The following SGCD variants were observed in gnomAD, a reference collection of about 807,000 sequenced individuals.
SGCD encodes the protein delta-sarcoglycan.
SGCD carries 18 observed loss-of-function variants against 36.6 expected under a neutral mutation model. The observed-to-expected ratio is 0.49, with a 90% confidence interval of 0.34 to 0.73. The LOEUF (loss-of-function observed/expected upper bound fraction) is 0.73. SGCD is among the 30% of genes least tolerant of loss of function. The probability of loss-of-function intolerance (pLI) is 0.01; values close to 1 mark genes in which losing one functional copy is unlikely to be tolerated. For synonymous variants in SGCD, 133 were observed against 130.6 expected (o/e 1.02, Z -0.12); for missense variants, 387 against 346.7 (o/e 1.12, Z -0.92).
At chr5:155,867,759 A>T (rs563054241), upstream of SGCD, among the ~76,000 whole-genome samples, 1 of 152,320 alleles carries the variant, frequency 6.6e-6, no homozygotes, top group Admixed American at 6.5e-5. Flanking sequence ...ACTTAGTGAG[A>T]TGTTATTCTC....
intron 7 of SGCD, among the ~76,000 whole-genome samples, chr5:156,728,334 A>C (rs890978492): frequency 1.3e-5 from 2 of 151,916 alleles, no homozygotes; most frequent in African/African-American, 4.8e-5. Context: ...CCAACATGGC[A>C]AAATCCCGTC....
At chr5:155,868,097 G>A (rs1313052348), upstream of SGCD, among the ~76,000 whole-genome samples, 2 of 152,000 alleles carry the variant, frequency 1.3e-5, no homozygotes, top group Non-Finnish European at 2.9e-5. Context: ...TGTCGCCCAG[G>A]CTGTAGTGCA....
the SGCD span, among the ~76,000 whole-genome samples, chr5:155,839,951 T>TTA: frequency 1.3e-5 from 2 of 151,852 alleles, no homozygotes; most frequent in East Asian, 1.9e-4. Flanking sequence ...TTTTTTTTTT[T>TTA]AAATCCCTGG....
At chr5:156,200,411 G>T (rs1026744200) in intron 3 of SGCD, among the ~76,000 whole-genome samples, 2 of 152,024 alleles carry the variant, frequency 1.3e-5, no homozygotes, top group African/African-American at 2.4e-5. Context: ...CTACACGAAG[G>T]GGAAAGCACA....
chr5:155,809,302 T>G, the SGCD span, among the ~76,000 whole-genome samples: 143 of 152,324 alleles, frequency 9.4e-4, no homozygotes, highest in African/African-American at 3.2e-3. Flanking sequence ...TGAAGCATTT[T>G]TATCCATCTC....
chr5:156,026,512 A>T (rs1327712778), intron 1 of SGCD, among the ~76,000 whole-genome samples: 1 of 152,208 alleles, frequency 6.6e-6, no homozygotes, highest in Non-Finnish European at 1.5e-5. Flanking sequence ...TTTCTGTGTG[A>T]CTTAATGTAC....
chr5:156,069,347 G>A (rs979901561), intron 1 of SGCD, among the ~76,000 whole-genome samples: 7 of 152,084 alleles, frequency 4.6e-5, no homozygotes, highest in Non-Finnish European at 5.9e-5. Flanking sequence ...TATATGGCTA[G>A]CCAGTTTTCC....
intron 3 of SGCD, among the ~76,000 whole-genome samples, chr5:156,354,246 G>A (rs1769393722): frequency 6.6e-6 from 1 of 152,200 alleles, no homozygotes; most frequent in African/African-American, 2.4e-5. Flanking sequence ...GGATGGATAA[G>A]GCCTTTTGTG....
chr5:155,796,806 C>CAAAAAAAAAAAAAAAAAAAAAAAA, the SGCD span, among the ~76,000 whole-genome samples: 24 of 51,322 alleles, frequency 4.7e-4, no homozygotes, highest in African/African-American at 8.5e-4. Context: ...AACTCCATCT[C>CAAAAAAAAAAAAAAAAAAAAAAAA]AAAAAAAAAA....
intron 3 of SGCD, among the ~76,000 whole-genome samples, chr5:156,357,803 C>A (rs1223494078): frequency 1.3e-5 from 2 of 152,008 alleles, no homozygotes; most frequent in African/African-American, 2.4e-5. Context: ...TTTTGACCGG[C>A]TTTTAATTAC....
At chr5:155,904,159 AGAG>A (rs1229137427) in intron 1 of SGCD, among the ~76,000 whole-genome samples, 1 of 152,180 alleles carries the variant, frequency 6.6e-6, no homozygotes, top group Non-Finnish European at 1.5e-5. Flanking sequence ...TTAAATCACA[AGAG>A]GAGAAGGTTT....
At chr5:155,890,577 C>T (rs1664261103) in intron 1 of SGCD, among the ~76,000 whole-genome samples, 1 of 151,972 alleles carries the variant, frequency 6.6e-6, no homozygotes, top group Non-Finnish European at 1.5e-5. Context: ...CACTGCACTT[C>T]AGCCTGGGTG....
intron 5 of SGCD, among the ~76,000 whole-genome samples, chr5:156,590,162 T>C (rs1760670881): frequency 6.6e-6 from 1 of 152,166 alleles, no homozygotes; most frequent in Non-Finnish European, 1.5e-5. Flanking sequence ...GATGGACATT[T>C]TGAGAAGCCA....
At chr5:156,629,588 G>C (rs188737572) in intron 6 of SGCD, among the ~76,000 whole-genome samples, 57 of 152,250 alleles carry the variant, frequency 3.7e-4, no homozygotes, top group Admixed American at 1.8e-3. Context: ...CAGCTAAGAG[G>C]ATACAAAGAT....
At chr5:156,751,930 A>G (rs1445661783) in intron 7 of SGCD, among the ~76,000 whole-genome samples, 1 of 152,214 alleles carries the variant, frequency 6.6e-6, no homozygotes, top group Non-Finnish European at 1.5e-5. Flanking sequence ...CTCCCACATT[A>G]GTCTGAAAGA....
intron 1 of SGCD, among the ~76,000 whole-genome samples, chr5:155,983,350 A>C (rs1185531518): frequency 6.6e-6 from 1 of 152,174 alleles, no homozygotes; most frequent in Non-Finnish European, 1.5e-5. Context: ...CCCAGGCTGG[A>C]GTGCAGTGGC....
the SGCD span, chr5:155,845,555 T>G: frequency 6.6e-6 from 1 of 152,176 alleles, no homozygotes; most frequent in South Asian, 2.1e-4. Flanking sequence ...ATTTTCTTCT[T>G]GTCCAAATGA....
chr5:156,229,717 G>A (rs73302604), intron 3 of SGCD, among the ~76,000 whole-genome samples: 1 of 152,102 alleles, frequency 6.6e-6, no homozygotes, highest in African/African-American at 2.4e-5. Context: ...TAGGGCTCTA[G>A]TAAGGGAAGT....
chr5:156,267,728 A>G (rs1347763922), intron 3 of SGCD, among the ~76,000 whole-genome samples: 1 of 152,254 alleles, frequency 6.6e-6, no homozygotes, highest in Non-Finnish European at 1.5e-5. Context: ...AGATATAACC[A>G]TCACCAAGTA....
Sources: gnomAD v4.1 joint callset for allele counts (sites outside exome capture counted in the v4.1 genomes callset) on GRCh38, gnomAD v4.1.1 for gene constraint, MANE v1.5 for transcripts, NCBI Gene and HGNC (gene_info 2026-07-23, HGNC 2026-07-21) for gene names.